Variants in SYN3 observed in about 807,000 individuals in gnomAD.
The protein encoded by SYN3 is synapsin-3.
SYN3 carries 35 observed loss-of-function variants against 65.8 expected under a neutral mutation model. The ratio of observed to expected loss-of-function variants is 0.53; its 90% CI spans 0.41 to 0.70. The LOEUF (loss-of-function observed/expected upper bound fraction) is 0.70, where lower values mean the gene tolerates loss of function less well. SYN3 is among the 30% of genes least tolerant of loss of function. The pLI is 0.00. For synonymous variants in SYN3, 270 were observed against 292.9 expected, an observed-to-expected ratio of 0.92 and a Z score of 0.80; for missense variants, 680 against 749.0, an observed-to-expected ratio of 0.91 and a Z score of 1.08.
intron 4 of SYN3, among the ~76,000 whole-genome samples, chr22:32,909,173 A>G (rs887498600): frequency 6.6e-6 from 1 of 152,134 alleles, no homozygotes; most frequent in East Asian, 1.9e-4. Context: ...TTGACAAGTC[A>G]TGGTCTTTAG....
intron 6 of SYN3, among the ~76,000 whole-genome samples, chr22:32,646,267 T>C (rs1045730361): frequency 6.6e-6 from 1 of 152,130 alleles, no homozygotes; most frequent in Non-Finnish European, 1.5e-5. Flanking sequence ...ATCAATAACA[T>C]TGGTGTTTCC....
chr22:32,743,477 G>GGGAT (rs2044835056), intron 6 of SYN3, among the ~76,000 whole-genome samples: 1 of 152,202 alleles, frequency 6.6e-6, no homozygotes, highest in Non-Finnish European at 1.5e-5. Flanking sequence ...GAGGGAGGGA[G>GGGAT]CATTAGGGAG....
intron 4 of SYN3, among the ~76,000 whole-genome samples, chr22:32,925,122 G>C (rs554365629): frequency 6.6e-6 from 1 of 152,102 alleles, no homozygotes; most frequent in Non-Finnish European, 1.5e-5. Context: ...GGCAGAGTTG[G>C]TTTTCTTTCT....
In SYN3 at chr22:32,980,792, A is replaced by G. The variant is rs1451311009; in HGVS notation, c.312-90T>C. ...CAAAGGCCTTACCCCAGAGGTGCAT[A>G]TTGAGACACATCCTCAGCCATCCTA... On this transcript the variant is annotated intron_variant, in intron 2 of 13. Coordinates refer to ENST00000358763, the MANE Select transcript of SYN3 (RefSeq NM_003490.4). The G allele has an allele frequency of 4.6e-6, 5 of 1,080,610 alleles. No homozygotes were observed. The Admixed American group carries it at 6.8e-5, about 15-fold the overall frequency. The allele number at this position is 1,080,610 out of a possible 1,614,324, so 66.9% of individuals were successfully genotyped here. A position where few individuals can be genotyped will look rare whatever the true frequency, so the allele number is the denominator to read the frequency against.
At chr22:32,878,731 T>C (rs1385035805) in intron 4 of SYN3, among the ~76,000 whole-genome samples, 1 of 152,234 alleles carries the variant, frequency 6.6e-6, no homozygotes, top group Non-Finnish European at 1.5e-5. Flanking sequence ...ATCTTTCATT[T>C]TGTCACTCAA....
chr22:32,681,522 C>A (rs2060522543), intron 6 of SYN3, among the ~76,000 whole-genome samples: 1 of 152,154 alleles, frequency 6.6e-6, no homozygotes, highest in Non-Finnish European at 1.5e-5. Flanking sequence ...ATGAGAAAAC[C>A]ACGACTCAGA....
intron 6 of SYN3, among the ~76,000 whole-genome samples, chr22:32,664,843 G>T (rs1301196323): frequency 1.3e-5 from 2 of 151,132 alleles, no homozygotes; most frequent in Non-Finnish European, 3.0e-5. Context: ...GCCCGCCTCG[G>T]CCTCCCAATC....
intron 6 of SYN3, among the ~76,000 whole-genome samples, chr22:32,744,920 C>T (rs948936754): frequency 2.0e-5 from 3 of 152,140 alleles, no homozygotes; most frequent in African/African-American, 7.2e-5. Context: ...CGGGCTTGTC[C>T]AGGAAGACTT....
intron 6 of SYN3, among the ~76,000 whole-genome samples, chr22:32,683,641 G>A (rs912265285): frequency 3.9e-5 from 6 of 152,100 alleles, no homozygotes; most frequent in Non-Finnish European, 8.8e-5. Flanking sequence ...GTGATCCCGT[G>A]TGTTTCTATT....
chr22:32,754,503 G>A (rs1271263164), intron 6 of SYN3, among the ~76,000 whole-genome samples: 1 of 152,096 alleles, frequency 6.6e-6, no homozygotes, highest in African/African-American at 2.4e-5. Flanking sequence ...CCCAGTACTG[G>A]ACTACTGAAC....
At chr22:32,653,094 C>T (rs545281264) in intron 6 of SYN3, among the ~76,000 whole-genome samples, 6 of 152,168 alleles carry the variant, frequency 3.9e-5, no homozygotes, top group Admixed American at 6.5e-5. Flanking sequence ...TACACAGGCA[C>T]ATGCATTTGT....
In SYN3 at chr22:33,045,697, T is replaced by C. The variant is rs112053710; in HGVS notation, c.-163+12595A>G. Among the ~76,000 whole-genome samples the C allele has an allele frequency of 6.2e-4, 94 of 151,672 alleles. 1 individual carries two copies. The Middle Eastern group carries it at 0.014, about 22-fold the overall frequency. On this transcript the variant is annotated intron_variant, in intron 1 of 13. Transcript: ENST00000358763. Reference sequence around the variant, plus strand: ...CAGGATGGTCTCGATCTCCTGACCTTGTGATCCGCACACCTCGGCCTCCCA... The same window carrying C: ...CAGGATGGTCTCGATCTCCTGACCTCGTGATCCGCACACCTCGGCCTCCCA...
At chr22:32,863,888 C>T (rs1432574560) in intron 6 of SYN3, among the ~76,000 whole-genome samples, 3 of 152,138 alleles carry the variant, frequency 2.0e-5, no homozygotes, top group African/African-American at 7.2e-5. Flanking sequence ...AGGATGCATA[C>T]AGTAAGAAAA....
chr22:32,628,349 T>C (rs2059698904), intron 6 of SYN3, among the ~76,000 whole-genome samples: 1 of 152,146 alleles, frequency 6.6e-6, no homozygotes. Context: ...TCACAAGGTA[T>C]ATTGAAGACC....
At position 32,604,954 on chromosome 22, in the gene SYN3, C is replaced by G. The variant is rs371998091; in HGVS notation, c.712-8218G>C. Among the ~76,000 whole-genome samples, 4 of 144,054 alleles carry G rather than the reference C, an allele frequency of 2.8e-5. No individual in the cohort carries two copies. The South Asian group carries it at 8.7e-4, about 31-fold the overall frequency. 94.5% of individuals were successfully genotyped at this position (144,054 alleles called of 152,430 possible). A position where few individuals can be genotyped will look rare whatever the true frequency, so the allele number is the denominator to read the frequency against. Reference sequence around the variant, plus strand: ...CCGGGAGGTGGAGCTTGCAGTGAGCCGAGATGGCGCCACTGCACACCAGCC... The same window carrying G: ...CCGGGAGGTGGAGCTTGCAGTGAGCGGAGATGGCGCCACTGCACACCAGCC... On this transcript the variant is annotated intron_variant, in intron 6 of 13. Coordinates refer to ENST00000358763, the MANE Select transcript of SYN3 (RefSeq NM_003490.4).
intron 3 of SYN3, among the ~76,000 whole-genome samples, chr22:32,952,829 A>G (rs1271515700): frequency 1.3e-5 from 2 of 152,242 alleles, no homozygotes; most frequent in Non-Finnish European, 2.9e-5. Flanking sequence ...TTGATGTAAC[A>G]TAATGTTTTC....
At chr22:32,769,009 T>C (rs2045697169) in intron 6 of SYN3, among the ~76,000 whole-genome samples, 1 of 152,198 alleles carries the variant, frequency 6.6e-6, no homozygotes, top group African/African-American at 2.4e-5. Flanking sequence ...AACCCTTCAC[T>C]TGTGCTCTAG....
At chr22:32,708,754 C>T (rs2060914141) in intron 6 of SYN3, among the ~76,000 whole-genome samples, 2 of 152,202 alleles carry the variant, frequency 1.3e-5, no homozygotes, top group Admixed American at 1.3e-4. Flanking sequence ...ACCCAGGCCT[C>T]GACACAGCCA....
chr22:32,972,037 G>A (rs2052036905), intron 3 of SYN3, among the ~76,000 whole-genome samples: 1 of 152,154 alleles, frequency 6.6e-6, no homozygotes, highest in African/African-American at 2.4e-5. Context: ...CCAGGAAGGA[G>A]ATGTGACCTT....
Sources: allele counts gnomAD v4.1 joint callset (sites outside exome capture counted in the v4.1 genomes callset), GRCh38; gene constraint gnomAD v4.1.1; transcripts MANE v1.5; gene names NCBI Gene and HGNC (gene_info 2026-07-23, HGNC 2026-07-21).